PCDH15: variants seen among roughly 807,000 people sequenced by gnomAD.
PCDH15 encodes the protein protocadherin related 15, also known as protocadherin-15.
Under a neutral mutation model 178.5 loss-of-function variants are expected in PCDH15, and 129 were observed. That is an observed-to-expected ratio of 0.72 (90% confidence interval 0.63 to 0.84). The LOEUF (loss-of-function observed/expected upper bound fraction) is 0.84, where lower values mean the gene tolerates loss of function less well. Among genes scored for constraint, PCDH15 ranks in the 40% least tolerant of loss-of-function variants. PCDH15 has a pLI of 0.00. For synonymous variants in PCDH15, 800 were observed against 732.0 expected (o/e 1.09, Z -1.50); for missense variants, 2,230 against 2,099.9 (o/e 1.06, Z -1.21).
At chr10:54,879,894 A>T (rs577745389) in intron 3 of PCDH15, among the ~76,000 whole-genome samples, 1 of 152,170 alleles carries the variant, frequency 6.6e-6, no homozygotes, top group South Asian at 2.1e-4. Context: ...GATCATCATG[A>T]TTCCTTAATG....
In PCDH15 at chr10:54,774,007, C is replaced by CTTTTTTTTTTT. The variant is rs763704132; in HGVS notation, c.-29+26907_-29+26917dup. Among the ~76,000 whole-genome samples, 66 of 75,386 alleles carry CTTTTTTTTTTT rather than the reference C, an allele frequency of 8.8e-4. 14 individuals are homozygous for CTTTTTTTTTTT. Among genetic ancestry groups the CTTTTTTTTTTT allele is most frequent in the Admixed American group, 1.6e-3 (8 of 5,082 alleles). 49.5% of individuals were successfully genotyped at this position (75,386 alleles called of 152,430 possible). On this transcript the variant is annotated intron_variant, in intron 1 of 37. Coordinates refer to ENST00000644397, the MANE Select transcript of PCDH15 (RefSeq NM_001384140.1). ...TAGATGAACTGGCATACTTCATAGG[C>CTTTTTTTTTTT]TTTTTTTTTTTTTTTTTTTTTTTTT...
At chr10:54,144,019 T>C (rs12264947) in intron 14 of PCDH15, among the ~76,000 whole-genome samples, 2,341 of 152,212 alleles carry the variant, frequency 0.015, 75 homozygotes, top group African/African-American at 0.054. Flanking sequence ...TCAGGCTAAG[T>C]ATATGGGCCT....
intron 37 of PCDH15, among the ~76,000 whole-genome samples, chr10:53,807,548 A>G (rs1396662988): frequency 6.6e-6 from 1 of 152,162 alleles, no homozygotes; most frequent in African/African-American, 2.4e-5. Context: ...TCTATTCCCA[A>G]TATTTAAAAA....
At chr10:54,981,002 C>A (rs1839220282) in intron 2 of PCDH15, among the ~76,000 whole-genome samples, 2 of 151,790 alleles carry the variant, frequency 1.3e-5, no homozygotes, top group African/African-American at 4.8e-5. Flanking sequence ...TCATTTGGGC[C>A]ACTTTGAAAT....
At chr10:54,726,432 GTGT>G (rs753617003) in intron 1 of PCDH15, among the ~76,000 whole-genome samples, 1 of 150,042 alleles carries the variant, frequency 6.7e-6, no homozygotes, top group Non-Finnish European at 1.5e-5. Context: ...GTGTGTGTGT[GTGT>G]GTGTGTGTGT....
intron 14 of PCDH15, among the ~76,000 whole-genome samples, chr10:54,147,182 A>G (rs183130264): frequency 1.3e-5 from 2 of 151,576 alleles, no homozygotes; most frequent in Admixed American, 1.3e-4. Context: ...TGATTATCCT[A>G]CAGTGAACAT....
chr10:55,255,841 A>G (rs1041455381), intron 1 of PCDH15, among the ~76,000 whole-genome samples: 5 of 152,090 alleles, frequency 3.3e-5, no homozygotes, highest in South Asian at 2.1e-4. Flanking sequence ...TGTAGATTCT[A>G]GATATTAGCC....
intron 3 of PCDH15, among the ~76,000 whole-genome samples, chr10:54,464,873 T>G (rs1034620176): frequency 1.3e-5 from 2 of 152,158 alleles, no homozygotes; most frequent in African/African-American, 4.8e-5. Context: ...TTAAAAAAGA[T>G]GTTTCACTAA....
rs897675499 is a variant in PCDH15, at chr10:54,491,765, C to T, written c.157+36047G>A. 3.3e-5 allele frequency among the ~76,000 whole-genome samples: 5 copies of T among 152,096 alleles called. No homozygotes were observed. In the East Asian group the frequency reaches 5.8e-4, roughly 18 times the overall value. On this transcript the variant is annotated intron_variant, in intron 3 of 37. Coordinates refer to ENST00000644397, the MANE Select transcript of PCDH15 (RefSeq NM_001384140.1). Reference sequence around the variant, plus strand: ...TCAAAGTGAAACTGACTAGGTTTTACGATATTTTCTGAAAAGTCAAAATTC... The same window carrying T: ...TCAAAGTGAAACTGACTAGGTTTTATGATATTTTCTGAAAAGTCAAAATTC...
At chr10:54,156,208 A>T (rs1425087801) in intron 13 of PCDH15, among the ~76,000 whole-genome samples, 1 of 152,134 alleles carries the variant, frequency 6.6e-6, no homozygotes, top group Non-Finnish European at 1.5e-5. Flanking sequence ...CTATTCAGGA[A>T]CTTTAGCCCT....
chr10:54,700,180 C>A (rs536405030), intron 1 of PCDH15, among the ~76,000 whole-genome samples: 1 of 152,084 alleles, frequency 6.6e-6, no homozygotes, highest in African/African-American at 2.4e-5. Flanking sequence ...ATCAAACTCC[C>A]AAGGGAATCA....
chr10:54,593,261 G>A (rs1227409581), intron 2 of PCDH15, among the ~76,000 whole-genome samples: 1 of 152,012 alleles, frequency 6.6e-6, no homozygotes, highest in Non-Finnish European at 1.5e-5. Context: ...CCAATGACAA[G>A]AATCTTTTTC....
At chr10:55,283,972 T>C (rs1384659597) in intron 1 of PCDH15, among the ~76,000 whole-genome samples, 1 of 150,610 alleles carries the variant, frequency 6.6e-6, no homozygotes, top group Non-Finnish European at 1.5e-5. Context: ...CTCTATACAA[T>C]ACATGGCTTT....
At chr10:54,349,154 G>A (rs1207933678) in intron 5 of PCDH15, among the ~76,000 whole-genome samples, 1 of 152,114 alleles carries the variant, frequency 6.6e-6, no homozygotes, top group Non-Finnish European at 1.5e-5. Flanking sequence ...TATCGTCTGT[G>A]GAAATTTTGA....
intron 2 of PCDH15, among the ~76,000 whole-genome samples, chr10:55,498,931 C>T (rs1183994289): frequency 1.3e-5 from 2 of 151,828 alleles, no homozygotes; most frequent in African/African-American, 4.8e-5. Flanking sequence ...GCCATGTTTG[C>T]TCAGGGCCAG....
intron 3 of PCDH15, among the ~76,000 whole-genome samples, chr10:54,891,959 G>A (rs1279028449): frequency 2.6e-5 from 4 of 152,048 alleles, no homozygotes; most frequent in Admixed American, 2.6e-4. Flanking sequence ...AACAAGGAAT[G>A]TCATATCAAA....
chr10:54,620,641 T>C (rs756488569), intron 2 of PCDH15, among the ~76,000 whole-genome samples: 1 of 152,072 alleles, frequency 6.6e-6, no homozygotes, highest in Non-Finnish European at 1.5e-5. Flanking sequence ...TAGATACCAC[T>C]GAGAAAGTTA....
intron 3 of PCDH15, among the ~76,000 whole-genome samples, chr10:54,506,517 G>A (rs2137594277): frequency 6.6e-6 from 1 of 152,018 alleles, no homozygotes; most frequent in African/African-American, 2.4e-5. Context: ...TACCTAGTAA[G>A]TAATCCTTAA....
intron 2 of PCDH15, among the ~76,000 whole-genome samples, chr10:54,641,484 G>A (rs1398479097): frequency 6.6e-6 from 1 of 151,910 alleles, no homozygotes; most frequent in Non-Finnish European, 1.5e-5. Context: ...ATTAGTGAAT[G>A]GCCCTATTCT....
Sources: gnomAD v4.1 joint callset for allele counts (sites outside exome capture counted in the v4.1 genomes callset) on GRCh38, gnomAD v4.1.1 for gene constraint, MANE v1.5 for transcripts, NCBI Gene and HGNC (gene_info 2026-07-23, HGNC 2026-07-21) for gene names.